Variants in WNT5A observed in about 807,000 individuals in gnomAD.
WNT5A encodes the protein Wnt family member 5A.
A neutral mutation model predicts 42.1 loss-of-function variants in WNT5A; 9 were observed. That is an observed-to-expected ratio of 0.21 (90% confidence interval 0.13 to 0.37). The LOEUF is 0.37. WNT5A is among the 10% of genes least tolerant of loss of function. The probability of loss-of-function intolerance (pLI) is 1.00; values close to 1 mark genes in which losing one functional copy is unlikely to be tolerated. For missense variants in WNT5A, 426 were observed against 534.0 expected (o/e 0.80, Z 1.99); for synonymous variants, 210 against 210.0 (o/e 1.00, Z 0.00).
upstream of WNT5A, among the ~76,000 whole-genome samples, chr3:55,495,216 T>A (rs1280249497): frequency 6.6e-6 from 1 of 152,238 alleles, no homozygotes; most frequent in Non-Finnish European, 1.5e-5. Context: ...TTTGTAGTCT[T>A]AGCAATTTTC....
chr3:55,477,647 G>A (rs472631), intron 3 of WNT5A, among the ~76,000 whole-genome samples: 78,664 of 151,954 alleles, frequency 0.52, 20,842 homozygotes, highest in African/African-American at 0.62. Context: ...GAGGAAGCAG[G>A]CTCTTTGAAT....
chr3:55,492,633 G>A (rs1177640265), upstream of WNT5A, among the ~76,000 whole-genome samples: 2 of 152,152 alleles, frequency 1.3e-5, no homozygotes, highest in Non-Finnish European at 2.9e-5. Context: ...CACCGGCCAT[G>A]CCTATATGAC....
upstream of WNT5A, chr3:55,494,033 G>A (rs979966007): frequency 3.9e-5 from 6 of 152,232 alleles, no homozygotes; most frequent in African/African-American, 1.2e-4. Flanking sequence ...CGTATTCTAT[G>A]TGGCCCGCTG....
the WNT5A span, among the ~76,000 whole-genome samples, chr3:55,504,630 C>T: frequency 6.6e-6 from 1 of 152,046 alleles, no homozygotes; most frequent in Non-Finnish European, 1.5e-5. Context: ...ATACCCGGCT[C>T]ATTTTGTATT....
At chr3:55,473,451 G>A (rs1264977811) in intron 4 of WNT5A, among the ~76,000 whole-genome samples, 2 of 152,222 alleles carry the variant, frequency 1.3e-5, no homozygotes, top group Admixed American at 1.3e-4. Context: ...AAAGTGCCAT[G>A]TGTTTAACCG....
rs760104969 is a variant in WNT5A at position 55,474,478 on chromosome 3, G to A, written c.543C>T (p.Gly181=). The change falls in exon 4 of 5, where the codon GGC becomes GGT. Residue 181 remains glycine, a synonymous_variant. Coordinates refer to ENST00000264634, the MANE Select transcript of WNT5A (RefSeq NM_003392.7). ...AGCCATAGTCGATGTTGTCGCCGCA[G>A]CCGCCCCAGAGCCAGTCCCGCGGCA... ...KDLPRDWLWG[G]CGDNIDYGYR... is the part of the protein sequence containing the mutation. The A allele has an allele frequency of 6.2e-7, 1 of 1,601,128 alleles. No individual in the cohort carries two copies. Among genetic ancestry groups the A allele is most frequent in the Non-Finnish European group, 8.5e-7 (1 of 1,175,280 alleles).
chr3:55,491,646 A>G (rs1192165206), upstream of WNT5A, among the ~76,000 whole-genome samples: 4 of 152,156 alleles, frequency 2.6e-5, no homozygotes, highest in Non-Finnish European at 5.9e-5. Context: ...AGCAAATAAT[A>G]TTTTATGGCC....
rs1183180396 is a variant in WNT5A at position 55,483,125 on chromosome 3, C to T, written c.7-2207G>A. On this transcript the variant is annotated intron_variant, in intron 1 of 4. Coordinates refer to ENST00000264634, the MANE Select transcript of WNT5A (RefSeq NM_003392.7). The surrounding 1 kb of genome is among the most constrained non-coding windows in gnomAD (Gnocchi z 4.2). ...GCCGAAGCCACACAAACCGAACCCA[C>T]TCCCAGCCCGAAGCCCCCAGGGAGA... Among the ~76,000 whole-genome samples the T allele has an allele frequency of 6.6e-6, 1 of 152,188 alleles. No homozygotes were observed. Among genetic ancestry groups the T allele is most frequent in the Non-Finnish European group, 1.5e-5 (1 of 68,030 alleles).
the WNT5A span, among the ~76,000 whole-genome samples, chr3:55,498,710 T>G: frequency 4.6e-5 from 7 of 152,226 alleles, no homozygotes; most frequent in East Asian, 3.9e-4. Context: ...GGCATGTGAC[T>G]CAGGTCGGGC....
At chr3:55,479,146 G>A (rs896060436) in intron 3 of WNT5A, 168 bp downstream of exon 3, 1 of 633,992 alleles carries the variant, frequency 1.6e-6, no homozygotes. Flanking sequence ...ATCAGGTGTA[G>A]GGACAGGAAT....
At position 55,480,928 on chromosome 3, in the gene WNT5A, G is replaced by T. The variant is rs1045703148; in HGVS notation, c.7-10C>A. The T allele has an allele frequency of 2.6e-6, 4 of 1,514,448 alleles. No individual in the cohort carries two copies. In the African/African-American group the frequency reaches 5.6e-5, roughly 21 times the overall value. The allele number at this position is 1,514,448 out of a possible 1,614,324, so 93.8% of individuals were successfully genotyped here. A position where few individuals can be genotyped will look rare whatever the true frequency, so the allele number is the denominator to read the frequency against. On this transcript the variant is annotated splice_polypyrimidine_tract_variant and intron_variant, in intron 1 of 4. Transcript: ENST00000264634. Reference sequence around the variant, plus strand: ...ATATTCCAATGGACTTCTGGAGAGGGAAGAAAGGAGCAGATGTTTATTGCC... The same window carrying T: ...ATATTCCAATGGACTTCTGGAGAGGTAAGAAAGGAGCAGATGTTTATTGCC...
chr3:55,501,936 TG>T, the WNT5A span, among the ~76,000 whole-genome samples: 1 of 152,184 alleles, frequency 6.6e-6, no homozygotes, highest in African/African-American at 2.4e-5. Context: ...TTGACTGGTT[TG>T]GGGCAAGGTG....
At chr3:55,474,865 G>C (rs2051325374) in intron 3 of WNT5A, among the ~76,000 whole-genome samples, 1 of 118,008 alleles carries the variant, frequency 8.5e-6, no homozygotes, top group African/African-American at 3.3e-5. Context: ...AAGAATAGTG[G>C]GGAGGTAGAA....
chr3:55,498,897 G>A, the WNT5A span, among the ~76,000 whole-genome samples: 1 of 152,260 alleles, frequency 6.6e-6, no homozygotes, highest in South Asian at 2.1e-4. Flanking sequence ...AAGCAACACT[G>A]AAAATGAAGG....
chr3:55,485,785 C>T (rs758493723), intron 1 of WNT5A, among the ~76,000 whole-genome samples: 72 of 152,208 alleles, frequency 4.7e-4, no homozygotes, highest in Non-Finnish European at 6.6e-4. Flanking sequence ...GGAGAAGGGG[C>T]CTCGATACCA....
intron 2 of WNT5A, among the ~76,000 whole-genome samples, chr3:55,480,151 A>T (rs1010381152): frequency 2.0e-5 from 3 of 152,222 alleles, no homozygotes; most frequent in African/African-American, 7.2e-5. Flanking sequence ...TGACAGTCAG[A>T]AAAATGCTGT....
the WNT5A span, chr3:55,497,249 T>C: frequency 6.6e-6 from 1 of 152,254 alleles, no homozygotes; most frequent in South Asian, 2.1e-4. Flanking sequence ...GTTAGGCCTG[T>C]GGCCTCTTAG....
At chr3:55,481,230 T>A in intron 1 of WNT5A, 1 of 933,240 alleles carries the variant, frequency 1.1e-6, no homozygotes, top group Non-Finnish European at 1.3e-6. Flanking sequence ...CTCGCTCGAG[T>A]CCCGCACCCC....
upstream of WNT5A, among the ~76,000 whole-genome samples, chr3:55,495,326 C>A (rs13090147): frequency 0.2 from 30,540 of 152,028 alleles, 3,462 homozygotes; most frequent in African/African-American, 0.3. Flanking sequence ...ATCATTTGAC[C>A]AACATCTCCT....
Sources: gnomAD v4.1 joint callset for allele counts (sites outside exome capture counted in the v4.1 genomes callset) on GRCh38, gnomAD v4.1.1 for gene constraint, Gnocchi (gnomAD v3.1) non-coding constraint, MANE v1.5 for transcripts, NCBI Gene and HGNC (gene_info 2026-07-23, HGNC 2026-07-21) for gene names.